Variants in SPON1 observed in about 807,000 individuals in gnomAD.
The protein encoded by SPON1 is spondin-1.
Under a neutral mutation model 111.7 loss-of-function variants are expected in SPON1, and 52 were observed. That is an observed-to-expected ratio of 0.47 (90% CI 0.37 to 0.59). SPON1 has a LOEUF of 0.59. Among genes scored for constraint, SPON1 ranks in the 20% least tolerant of loss-of-function variants. The pLI is 0.00. For synonymous variants in SPON1, 410 were observed against 395.8 expected (o/e 1.04, Z -0.43); for missense variants, 957 against 1,068.5 (o/e 0.90, Z 1.46).
At chr11:14,060,900 G>C (rs1848786501) in intron 3 of SPON1, among the ~76,000 whole-genome samples, 2 of 152,066 alleles carry the variant, frequency 1.3e-5, no homozygotes, top group South Asian at 4.2e-4. Context: ...CGGTGAACAA[G>C]AGTGAGTCTC....
chr11:14,123,228 A>T (rs1302904758), intron 5 of SPON1, among the ~76,000 whole-genome samples: 1 of 152,178 alleles, frequency 6.6e-6, no homozygotes, highest in East Asian at 1.9e-4. Context: ...CACCATGCCC[A>T]GCCATGTCTA....
At chr11:14,221,884 G>A (rs1176218633) in intron 6 of SPON1, among the ~76,000 whole-genome samples, 15 of 152,170 alleles carry the variant, frequency 9.9e-5, no homozygotes, top group Non-Finnish European at 1.6e-4. Context: ...ACTAGCATCT[G>A]TCCTCCTGGT....
At chr11:13,983,176 G>A (rs777542594) in intron 2 of SPON1, among the ~76,000 whole-genome samples, 1 of 152,380 alleles carries the variant, frequency 6.6e-6, no homozygotes, top group Non-Finnish European at 1.5e-5. Context: ...AGCAGATCAC[G>A]GGGCTCTTCT....
intron 5 of SPON1, among the ~76,000 whole-genome samples, chr11:14,122,377 G>T (rs1257176132): frequency 1.3e-5 from 2 of 152,134 alleles, no homozygotes; most frequent in Non-Finnish European, 2.9e-5. Context: ...GTTTCACCGT[G>T]TTAGCCAGGA....
intron 13 of SPON1, 116 bp from the exon 14 acceptor site, chr11:14,260,472 T>C: frequency 8.7e-7 from 1 of 1,155,544 alleles, no homozygotes; most frequent in Non-Finnish European, 1.2e-6. Flanking sequence ...ATGGGCCAAT[T>C]CCACTTTATT....
At chr11:14,118,412 A>C (rs1007711797) in intron 5 of SPON1, among the ~76,000 whole-genome samples, 7 of 152,224 alleles carry the variant, frequency 4.6e-5, no homozygotes, top group African/African-American at 1.7e-4. Flanking sequence ...GTTACTTGTC[A>C]GTGCATAATA....
intron 2 of SPON1, among the ~76,000 whole-genome samples, chr11:14,026,731 G>A (rs529651343): frequency 3.3e-5 from 5 of 152,366 alleles, no homozygotes; most frequent in South Asian, 2.1e-4. Flanking sequence ...TGTCTTAAGC[G>A]AGGGTGGAGG....
chr11:14,122,952 G>C (rs1255407127), intron 5 of SPON1, among the ~76,000 whole-genome samples: 1 of 46,394 alleles, frequency 2.2e-5, no homozygotes, highest in Non-Finnish European at 4.2e-5. Flanking sequence ...TTTTTTTTTT[G>C]AGACAGGATC....
rs984042296 is a variant in SPON1, at chr11:14,069,456, G to C, written c.480-5889G>C. 2.0e-4 allele frequency among the ~76,000 whole-genome samples: 31 copies of C among 152,070 alleles called. 1 individual carries two copies. The highest frequency in any genetic ancestry group is 3.2e-3 in the Middle Eastern group (1 of 316). ...GCCCCTTTCTCAGTTCTGACCTTCA[G>C]AGCCGCCGCCATCATCTCCTCCTCT... On this transcript the variant is annotated intron_variant, in intron 3 of 15. Coordinates refer to ENST00000576479, the MANE Select transcript of SPON1 (RefSeq NM_006108.4).
intron 3 of SPON1, among the ~76,000 whole-genome samples, chr11:14,047,933 G>C (rs1848680581): frequency 6.6e-6 from 1 of 152,192 alleles, no homozygotes; most frequent in African/African-American, 2.4e-5. Context: ...TGGGAGGAAT[G>C]TTCATTAAAA....
At chr11:14,204,529 C>T (rs917419756) in intron 6 of SPON1, among the ~76,000 whole-genome samples, 1 of 152,118 alleles carries the variant, frequency 6.6e-6, no homozygotes, top group Non-Finnish European at 1.5e-5. Context: ...CTCAAGTGAT[C>T]CTCCCGCCTC....
intron 2 of SPON1, among the ~76,000 whole-genome samples, chr11:14,019,844 A>C (rs1554914624): frequency 6.6e-6 from 1 of 152,134 alleles, no homozygotes; most frequent in East Asian, 1.9e-4. Flanking sequence ...ACAGTGTTCT[A>C]AATAGGAGAG....
intron 4 of SPON1, among the ~76,000 whole-genome samples, chr11:14,076,896 G>A (rs560676840): frequency 1.3e-5 from 2 of 152,290 alleles, no homozygotes; most frequent in Admixed American, 6.5e-5. Context: ...ACCACCACAC[G>A]TGTCTTCTGA....
intron 2 of SPON1, among the ~76,000 whole-genome samples, chr11:13,996,428 C>A (rs1848272866): frequency 6.6e-6 from 1 of 152,242 alleles, no homozygotes; most frequent in African/African-American, 2.4e-5. Flanking sequence ...CACACTTCTG[C>A]AGCCCTGGTC....
At chr11:14,048,976 G>A (rs868938291) in intron 3 of SPON1, among the ~76,000 whole-genome samples, 3 of 152,176 alleles carry the variant, frequency 2.0e-5, no homozygotes, top group African/African-American at 7.2e-5. Context: ...TTGGTAAAAG[G>A]CAGACGTAAG....
At chr11:14,080,643 A>T (rs972515888) in intron 5 of SPON1, among the ~76,000 whole-genome samples, 5 of 152,186 alleles carry the variant, frequency 3.3e-5, no homozygotes, top group African/African-American at 1.2e-4. Context: ...CTGTCCATGA[A>T]TTCCATGACA....
At chr11:14,176,879 G>A (rs1848182770) in intron 6 of SPON1, among the ~76,000 whole-genome samples, 1 of 152,106 alleles carries the variant, frequency 6.6e-6, no homozygotes, top group Non-Finnish European at 1.5e-5. Context: ...CCACCCGAGG[G>A]GTTCGCCTTG....
intron 2 of SPON1, among the ~76,000 whole-genome samples, chr11:14,028,471 C>T (rs1848535217): frequency 1.3e-5 from 2 of 151,492 alleles, no homozygotes; most frequent in Non-Finnish European, 2.9e-5. Context: ...GACCCTGTCT[C>T]AAAAATAAAT....
chr11:14,235,278 C>T (rs943668114), intron 6 of SPON1, among the ~76,000 whole-genome samples: 3 of 152,192 alleles, frequency 2.0e-5, no homozygotes, highest in East Asian at 3.8e-4. Flanking sequence ...ATTAGTTAAG[C>T]GTGTTCCCAA....
Sources: allele counts gnomAD v4.1 joint callset (sites outside exome capture counted in the v4.1 genomes callset), GRCh38; gene constraint gnomAD v4.1.1; transcripts MANE v1.5; gene names NCBI Gene and HGNC (gene_info 2026-07-23, HGNC 2026-07-21).